The following ADGRG2 variants were observed in gnomAD, a reference collection of about 807,000 sequenced individuals.
ADGRG2 encodes the protein adhesion G protein-coupled receptor G2.
In ADGRG2, 26 loss-of-function variants were observed where a neutral mutation model predicts 74.1. The ratio of observed to expected loss-of-function variants is 0.35; its 90% CI spans 0.26 to 0.49. The LOEUF is 0.49. Ranked by LOEUF, ADGRG2 falls within the 20% of genes least tolerant of loss-of-function variation. ADGRG2 has a pLI of 0.99. For synonymous variants in ADGRG2, 296 were observed against 295.2 expected, an observed-to-expected ratio of 1.00 and a Z score of -0.03; for missense variants, 619 against 763.1, an observed-to-expected ratio of 0.81 and a Z score of 2.22.
At chrX:19,094,990 A>C (rs1034443547) in intron 1 of ADGRG2, among the ~76,000 whole-genome samples, 5 of 112,070 alleles carry the variant, frequency 4.5e-5, no homozygotes, top group Non-Finnish European at 9.4e-5. Flanking sequence ...GAGACCCGGC[A>C]AACAGCAACT....
At chrX:18,992,664 A>G (rs988083145) in intron 28 of ADGRG2, among the ~76,000 whole-genome samples, 2 of 112,275 alleles carry the variant, frequency 1.8e-5, no homozygotes, top group Non-Finnish European at 3.8e-5. Context: ...CTGAGGAGTC[A>G]GGAATGGTTA....
intron 1 of ADGRG2, among the ~76,000 whole-genome samples, chrX:19,084,501 G>A (rs1452225771): frequency 8.9e-6 from 1 of 111,794 alleles, no homozygotes; most frequent in Admixed American, 9.5e-5. Context: ...CAACCATGTT[G>A]TCCTGTCCTA....
At chrX:19,033,829 G>A in intron 7 of ADGRG2, 175 bp from the exon 8 acceptor site, 1 of 345,060 alleles carries the variant, frequency 2.9e-6, no homozygotes, top group Non-Finnish European at 5.1e-6. Flanking sequence ...CACGGATCAT[G>A]TAGCATTGGC....
Position 19,012,406 on chromosome X carries a change from C to G in ADGRG2, c.1099+1280G>C, listed in dbSNP as rs533871947. On this transcript the variant is annotated intron_variant, in intron 16 of 28. Coordinates refer to ENST00000379869, the MANE Select transcript of ADGRG2 (RefSeq NM_001079858.3). ...GGCATCTTAGGCCCAGGCTAATGAA[C>G]TTCAATTTTACTGTATTCTTCATCA... Among the ~76,000 whole-genome samples the G allele has an allele frequency of 3.4e-3, 378 of 111,164 alleles. 1 individual carries two copies. The highest frequency in any genetic ancestry group is 0.012 in the African/African-American group (356 of 30,568).
chrX:19,106,842 C>A (rs1216528586), intron 1 of ADGRG2, among the ~76,000 whole-genome samples: 1 of 109,662 alleles, frequency 9.1e-6, no homozygotes. Flanking sequence ...ATCACTTGAA[C>A]CCGGGAGGTG....
Position 19,117,043 on chromosome X carries a change from A to G in ADGRG2, c.-47+5399T>C, listed in dbSNP as rs142106795. ...GTGATGGCTCACGCCCGTAATCCCA[A>G]CACTTTGGGAGACCGAGGCGGGTGG... is the stretch of plus-strand genomic sequence containing the variant. On this transcript the variant is annotated intron_variant, in intron 1 of 28. Transcript: ENST00000379869. Among the ~76,000 whole-genome samples, 551 of 111,918 alleles carry G rather than the reference A, an allele frequency of 4.9e-3. 4 individuals carry two copies. The highest frequency in any genetic ancestry group is 0.017 in the African/African-American group (520 of 30,806).
At chrX:19,039,401 A>G (rs958473940) in intron 4 of ADGRG2, 1 of 305,535 alleles carries the variant, frequency 3.3e-6, no homozygotes, top group African/African-American at 2.7e-5. Context: ...GGATTTAAAT[A>G]ATGAATCAAT....
At chrX:19,018,578 C>A (rs1174160078) in intron 15 of ADGRG2, among the ~76,000 whole-genome samples, 1 of 111,235 alleles carries the variant, frequency 9.0e-6, no homozygotes, top group Non-Finnish European at 1.9e-5. Flanking sequence ...GCTCTGTATA[C>A]CTCCCACGCA....
intron 1 of ADGRG2, among the ~76,000 whole-genome samples, chrX:19,118,359 G>C (rs1020152394): frequency 4.5e-5 from 5 of 111,654 alleles, no homozygotes; most frequent in African/African-American, 1.6e-4. Flanking sequence ...AAATGAAGTG[G>C]GAAAAAAGGA....
intron 18 of ADGRG2, 77 bp downstream of exon 18, chrX:19,009,548 TG>T: frequency 1.1e-6 from 1 of 894,893 alleles, no homozygotes; most frequent in South Asian, 2.0e-5. Flanking sequence ...AAGCAGTAAT[TG>T]CCTCAATCAT....
intron 3 of ADGRG2, among the ~76,000 whole-genome samples, chrX:19,060,749 T>C (rs1265643956): frequency 1.8e-5 from 2 of 110,419 alleles, no homozygotes; most frequent in East Asian, 5.7e-4. Flanking sequence ...GGTTTCACCA[T>C]GTTGGCCAGG....
intron 1 of ADGRG2, among the ~76,000 whole-genome samples, chrX:19,092,648 C>A (rs1469406986): frequency 1.8e-5 from 2 of 111,544 alleles, no homozygotes; most frequent in Non-Finnish European, 3.8e-5. Flanking sequence ...CTGCTCTTAC[C>A]CTCCAGCCTC....
intron 1 of ADGRG2, among the ~76,000 whole-genome samples, chrX:19,112,388 G>A (rs1396896713): frequency 9.0e-6 from 1 of 110,710 alleles, no homozygotes; most frequent in Non-Finnish European, 1.9e-5. Flanking sequence ...GGGAAATTTT[G>A]AGCAGGATAT....
At chrX:19,088,251 T>C (rs1219036386) in intron 1 of ADGRG2, among the ~76,000 whole-genome samples, 1 of 112,406 alleles carries the variant, frequency 8.9e-6, no homozygotes, top group Non-Finnish European at 1.9e-5. Context: ...AGTCTGACAT[T>C]AAGCTATATT....
At chrX:19,021,005 A>G (rs748082034) in intron 14 of ADGRG2, 99 bp downstream of exon 14, 224 of 541,417 alleles carry the variant, frequency 4.1e-4, no homozygotes, top group Non-Finnish European at 6.4e-4. Flanking sequence ...CAAAACAGAA[A>G]GCTGTAACAT....
chrX:19,077,273 GA>G (rs771804253), intron 2 of ADGRG2, among the ~76,000 whole-genome samples: 1 of 105,189 alleles, frequency 9.5e-6, no homozygotes, highest in African/African-American at 3.5e-5. Flanking sequence ...GAAGCGGGTG[GA>G]TCACCTGAGG....
chrX:19,072,223 G>A (rs1393612050), intron 2 of ADGRG2, among the ~76,000 whole-genome samples: 2 of 108,482 alleles, frequency 1.8e-5, no homozygotes, highest in African/African-American at 3.4e-5. Flanking sequence ...TTTTATGTGC[G>A]GCCCATGACA....
chrX:18,995,884 C>G, intron 27 of ADGRG2, among the ~76,000 whole-genome samples, 167 bp downstream of exon 27: 1 of 111,967 alleles, frequency 8.9e-6, no homozygotes, highest in Non-Finnish European at 1.9e-5. Flanking sequence ...TTTTAATTCA[C>G]TAGATTTTTT....
chrX:19,003,403 G>T (rs867937935), intron 23 of ADGRG2, among the ~76,000 whole-genome samples: 55 of 111,526 alleles, frequency 4.9e-4, no homozygotes, highest in African/African-American at 1.6e-3. Flanking sequence ...CAATCCTGCT[G>T]CCCTGGCTTC....
Sources: gnomAD v4.1 joint callset for allele counts (sites outside exome capture counted in the v4.1 genomes callset) on GRCh38, gnomAD v4.1.1 for gene constraint, MANE v1.5 for transcripts, NCBI Gene and HGNC (gene_info 2026-07-23, HGNC 2026-07-21) for gene names.